Variants in HAPLN2 observed in about 807,000 individuals in gnomAD.
The protein encoded by HAPLN2 is brain link protein-1.
Under a neutral mutation model 29.3 loss-of-function variants are expected in HAPLN2, and 27 were observed. The ratio of observed to expected loss-of-function variants is 0.92; its 90% CI spans 0.68 to 1.27. The LOEUF (loss-of-function observed/expected upper bound fraction) is 1.27, where lower values mean the gene tolerates loss of function less well. HAPLN2 is among the 50% of genes most tolerant of loss of function. The pLI, the probability that HAPLN2 is intolerant of heterozygous loss-of-function variation, is 0.00. For missense variants in HAPLN2, 454 were observed against 484.3 expected, an observed-to-expected ratio of 0.94 and a Z score of 0.59; for synonymous variants, 208 against 211.7, an observed-to-expected ratio of 0.98 and a Z score of 0.15.
At chr1:156,611,209 G>A in the HAPLN2 span, among the ~76,000 whole-genome samples, 1 of 150,510 alleles carries the variant, frequency 6.6e-6, no homozygotes, top group African/African-American at 2.4e-5. Context: ...GAGAGGTCGA[G>A]GCTGCAGTGA....
the HAPLN2 span, among the ~76,000 whole-genome samples, chr1:156,613,733 T>G: frequency 1.3e-5 from 2 of 151,798 alleles, no homozygotes; most frequent in African/African-American, 2.4e-5. Flanking sequence ...CTGGCCAACA[T>G]GGTGAAGCCC....
Position 156,625,259 on chromosome 1 carries a change from G to C in HAPLN2, c.898G>C (p.Val300Leu). The C allele has an allele frequency of 1.3e-6, 2 of 1,575,706 alleles. No individual in the cohort carries two copies. Among genetic ancestry groups the C allele is most frequent in the Non-Finnish European group, 1.7e-6 (2 of 1,161,834 alleles). Residue 300 changes from valine to leucine, a missense_variant, in exon 7 of 7, where the codon GTG becomes CTG. By Grantham distance (32) the Val-to-Leu change is conservative. Transcript: ENST00000255039. The surrounding 1 kb of genome is among the most constrained non-coding windows in gnomAD (Gnocchi z 5.7). ...CDGGWLADGS[V>L]RFPITTPRPR... The stretch of plus-strand genomic sequence containing the variant: ...CGGCGGCTGGCTGGCTGACGGCAGT[G>C]TGCGCTTCCCAATCACCACGCCGAG...
upstream of HAPLN2, among the ~76,000 whole-genome samples, chr1:156,617,650 C>CTTTTT (rs56771313): frequency 1.5e-5 from 2 of 137,390 alleles, no homozygotes; most frequent in African/African-American, 5.4e-5. Context: ...TGCCCAGCCT[C>CTTTTT]TTTTTTTTTT....
chr1:156,617,045 G>C (rs571698074), upstream of HAPLN2, among the ~76,000 whole-genome samples: 13 of 152,084 alleles, frequency 8.5e-5, no homozygotes, highest in East Asian at 2.1e-3. Flanking sequence ...CGCCATGATC[G>C]TATCACTGCA....
intron 6 of HAPLN2, 126 bp downstream of exon 6, chr1:156,624,909 G>GGGCGC: frequency 1.0e-6 from 1 of 999,520 alleles, no homozygotes; most frequent in Non-Finnish European, 1.4e-6. Flanking sequence ...CCCCCCATCA[G>GGGCGC]CCCGCCCGCC....
chr1:156,606,532 G>A, the HAPLN2 span, among the ~76,000 whole-genome samples: 1 of 150,976 alleles, frequency 6.6e-6, no homozygotes, highest in African/African-American at 2.4e-5. Context: ...GCTCAGGCTG[G>A]AGTGCAGTGG....
chr1:156,614,075 G>C, the HAPLN2 span, among the ~76,000 whole-genome samples: 1 of 151,992 alleles, frequency 6.6e-6, no homozygotes, highest in Non-Finnish European at 1.5e-5. Context: ...AGGCTACCTG[G>C]GTTACTTAGT....
Position 156,624,476 on chromosome 1 carries a change from C to T in HAPLN2, c.556+9C>T. On this transcript the variant is annotated intron_variant, in intron 5 of 6. Transcript: ENST00000255039. ...CTCCCAGCTCTACCAGGGTGAGCGGCCGAACCCAGCACTTCCCAAGCCCCG... is the reference window on the plus strand; with the variant it reads ...CTCCCAGCTCTACCAGGGTGAGCGGTCGAACCCAGCACTTCCCAAGCCCCG... 6.2e-7 allele frequency: 1 copy of T among 1,611,438 alleles called. No homozygotes were observed. Among genetic ancestry groups the T allele is most frequent in the South Asian group, 1.1e-5 (1 of 90,662 alleles).
At chr1:156,612,685 C>T in the HAPLN2 span, among the ~76,000 whole-genome samples, 2 of 152,156 alleles carry the variant, frequency 1.3e-5, no homozygotes, top group African/African-American at 4.8e-5. Context: ...AACACTAAAG[C>T]TGTCCTTAGC....
upstream of HAPLN2, among the ~76,000 whole-genome samples, chr1:156,617,907 C>A (rs1349754704): frequency 6.6e-6 from 1 of 151,950 alleles, no homozygotes; most frequent in Non-Finnish European, 1.5e-5. Context: ...TACCTGTGTA[C>A]AATATATGTA....
intron 2 of HAPLN2, among the ~76,000 whole-genome samples, chr1:156,622,996 G>A (rs1190465793): frequency 6.2e-5 from 9 of 145,500 alleles, no homozygotes; most frequent in Non-Finnish European, 1.2e-4. Flanking sequence ...ATCATGCCAC[G>A]GGACTCCAGC....
the HAPLN2 span, among the ~76,000 whole-genome samples, chr1:156,608,565 C>A: frequency 4.6e-5 from 7 of 151,246 alleles, no homozygotes; most frequent in Non-Finnish European, 8.8e-5. Context: ...TTTTTAAAGA[C>A]AGAGTCGCAC....
the HAPLN2 span, among the ~76,000 whole-genome samples, chr1:156,608,237 C>A: frequency 2.0e-5 from 3 of 152,216 alleles, no homozygotes; most frequent in African/African-American, 7.2e-5. Flanking sequence ...GCTCTCAGCA[C>A]TATCACTGCT....
At position 156,624,474 on chromosome 1, in the gene HAPLN2, G is replaced by T; in HGVS notation, c.556+7G>T. The stretch of plus-strand genomic sequence containing the variant: ...TACTCCCAGCTCTACCAGGGTGAGC[G>T]GCCGAACCCAGCACTTCCCAAGCCC... On this transcript the variant is annotated splice_region_variant and intron_variant, in intron 5 of 6. Coordinates refer to ENST00000255039, the MANE Select transcript of HAPLN2 (RefSeq NM_021817.3). 6.2e-7 allele frequency: 1 copy of T among 1,611,876 alleles called. No homozygotes were observed. Among genetic ancestry groups the T allele is most frequent in the Non-Finnish European group, 8.5e-7 (1 of 1,178,782 alleles).
At chr1:156,613,560 G>A in the HAPLN2 span, among the ~76,000 whole-genome samples, 5 of 152,118 alleles carry the variant, frequency 3.3e-5, no homozygotes, top group African/African-American at 7.2e-5. Flanking sequence ...TTTATCAAAT[G>A]TACTGTGACA....
At chr1:156,604,577 G>A in the HAPLN2 span, among the ~76,000 whole-genome samples, 2 of 152,268 alleles carry the variant, frequency 1.3e-5, no homozygotes, top group African/African-American at 2.4e-5. Flanking sequence ...CGGAGCCACC[G>A]TGCCCGGCCA....
Position 156,623,590 on chromosome 1 carries a change from C to T in HAPLN2, c.85+15C>T. ...AGGAGACCCAGGTAAGACCCCAGCC[C>T]AGGCCAGAATCTGGGGGAGGCTTGG... On this transcript the variant is annotated intron_variant, in intron 3 of 6. Transcript: ENST00000255039. 11 of 1,613,990 alleles carry T rather than the reference C, an allele frequency of 6.8e-6. No individual in the cohort carries two copies. The highest frequency in any genetic ancestry group is 9.3e-6 in the Non-Finnish European group (11 of 1,179,958).
Position 156,625,391 on chromosome 1 carries a change from A to G in HAPLN2, c.*7A>G. 6.3e-7 allele frequency: 1 copy of G among 1,578,402 alleles called. No homozygotes were observed. The highest frequency in any genetic ancestry group is 8.6e-7 in the Non-Finnish European group (1 of 1,161,260). ...CTGCTACGCCGAGAATTAGGCGCCCACCGTGTCCCCTCCAGCGCGCGCGAA... is the reference window on the plus strand; with the variant it reads ...CTGCTACGCCGAGAATTAGGCGCCCGCCGTGTCCCCTCCAGCGCGCGCGAA... On this transcript the variant is annotated 3_prime_UTR_variant, in exon 7 of 7. Coordinates refer to ENST00000255039, the MANE Select transcript of HAPLN2 (RefSeq NM_021817.3). This position sits in a 1 kb window ranked among gnomAD's most constrained non-coding sequence, Gnocchi z 5.7.
chr1:156,604,417 G>C, the HAPLN2 span, among the ~76,000 whole-genome samples: 1 of 151,900 alleles, frequency 6.6e-6, no homozygotes, highest in African/African-American at 2.4e-5. Flanking sequence ...AGCCACCTGA[G>C]TAGCTGGGAC....
Sources: allele counts gnomAD v4.1 joint callset (sites outside exome capture counted in the v4.1 genomes callset), GRCh38; gene constraint gnomAD v4.1.1; non-coding constraint Gnocchi (gnomAD v3.1); transcripts MANE v1.5; gene names NCBI Gene and HGNC (gene_info 2026-07-23, HGNC 2026-07-21).